GRID1: variants seen among roughly 807,000 people sequenced by gnomAD.
GRID1 encodes the protein glutamate ionotropic receptor delta type subunit 1.
In GRID1, 28 loss-of-function variants were observed where a neutral mutation model predicts 98.0. That is an observed-to-expected ratio of 0.29 (90% CI 0.21 to 0.39). The LOEUF is 0.39. Ranked by LOEUF, GRID1 falls within the 10% of genes least tolerant of loss-of-function variation. The pLI is 1.00. For synonymous variants in GRID1, 553 were observed against 538.5 expected (o/e 1.03, Z -0.37); for missense variants, 1,111 against 1,340.5 (o/e 0.83, Z 2.67).
chr10:86,245,814 G>A (rs1372271062), intron 2 of GRID1, among the ~76,000 whole-genome samples: 3 of 152,240 alleles, frequency 2.0e-5, no homozygotes, highest in Admixed American at 6.5e-5. Context: ...CCGGCCTTGG[G>A]CACTCACAAA....
At chr10:85,848,129 C>T (rs1176812711) in intron 8 of GRID1, among the ~76,000 whole-genome samples, 1 of 152,012 alleles carries the variant, frequency 6.6e-6, no homozygotes, top group Admixed American at 6.6e-5. Context: ...TAATATATAT[C>T]AACCATATTT....
intron 8 of GRID1, among the ~76,000 whole-genome samples, chr10:85,780,619 G>A (rs1176774030): frequency 1.3e-5 from 2 of 152,130 alleles, no homozygotes; most frequent in Non-Finnish European, 2.9e-5. Context: ...GCACACCATG[G>A]GCCTCATACA....
intron 8 of GRID1, among the ~76,000 whole-genome samples, chr10:85,742,482 A>G (rs993416643): frequency 5.3e-5 from 8 of 152,196 alleles, no homozygotes; most frequent in Admixed American, 1.3e-4. Context: ...TCAATTACAT[A>G]TTTAAAAGCA....
intron 4 of GRID1, among the ~76,000 whole-genome samples, chr10:86,088,069 A>G (rs188962476): frequency 1.3e-4 from 20 of 152,350 alleles, no homozygotes; most frequent in Middle Eastern, 3.4e-3. Flanking sequence ...CTTTGTATCC[A>G]TTAAAGGCAC....
chr10:86,113,705 A>G (rs886434880), intron 4 of GRID1, among the ~76,000 whole-genome samples: 1 of 152,228 alleles, frequency 6.6e-6, no homozygotes, highest in African/African-American at 2.4e-5. Context: ...GGAGGTGCTC[A>G]GTAACTACTG....
chr10:85,882,892 T>C (rs1841055637), intron 5 of GRID1, among the ~76,000 whole-genome samples: 1 of 152,168 alleles, frequency 6.6e-6, no homozygotes, highest in Non-Finnish European at 1.5e-5. Context: ...AGTAGCATGT[T>C]ATGCTATACC....
intron 3 of GRID1, among the ~76,000 whole-genome samples, chr10:86,167,078 C>T (rs997192248): frequency 1.3e-5 from 2 of 152,242 alleles, no homozygotes; most frequent in African/African-American, 4.8e-5. Context: ...AAGGCCTCTC[C>T]CTCCCTGCAG....
chr10:86,054,867 T>C (rs1210914108), intron 4 of GRID1, among the ~76,000 whole-genome samples: 5 of 152,198 alleles, frequency 3.3e-5, no homozygotes, highest in African/African-American at 1.2e-4. Flanking sequence ...ATTTCATCCC[T>C]TGACTTTGGG....
intron 4 of GRID1, among the ~76,000 whole-genome samples, chr10:86,008,438 T>A (rs1395358054): frequency 3.9e-5 from 6 of 152,152 alleles, no homozygotes; most frequent in Non-Finnish European, 8.8e-5. Flanking sequence ...TAACTTGTGT[T>A]TATCAATGAA....
chr10:85,806,751 A>G (rs1842626349), intron 8 of GRID1, among the ~76,000 whole-genome samples: 1 of 152,204 alleles, frequency 6.6e-6, no homozygotes, highest in African/African-American at 2.4e-5. Context: ...ATTTATAGTG[A>G]CAGAAATCAA....
intron 8 of GRID1, among the ~76,000 whole-genome samples, chr10:85,769,333 C>A (rs568308933): frequency 6.6e-6 from 1 of 152,112 alleles, no homozygotes; most frequent in African/African-American, 2.4e-5. Flanking sequence ...ATAAAGATGG[C>A]AGGAGCTGGA....
intron 12 of GRID1, among the ~76,000 whole-genome samples, chr10:85,667,609 G>A (rs1233184265): frequency 6.6e-6 from 1 of 152,188 alleles, no homozygotes; most frequent in Admixed American, 6.5e-5. Context: ...AGCACAGGCT[G>A]TCTGGCTCCT....
chr10:85,800,570 A>G (rs1233881931), intron 8 of GRID1, among the ~76,000 whole-genome samples: 1 of 152,104 alleles, frequency 6.6e-6, no homozygotes, highest in Non-Finnish European at 1.5e-5. Flanking sequence ...ATATAGCAAA[A>G]GTGGTAATTC....
At chr10:85,972,256 C>T (rs768116475) in intron 4 of GRID1, among the ~76,000 whole-genome samples, 1 of 151,430 alleles carries the variant, frequency 6.6e-6, no homozygotes, top group African/African-American at 2.4e-5. Flanking sequence ...ACAGCTAGGA[C>T]TCATTGTTCT....
At chr10:85,946,686 A>C (rs1842057484) in intron 4 of GRID1, among the ~76,000 whole-genome samples, 1 of 152,014 alleles carries the variant, frequency 6.6e-6, no homozygotes, top group Non-Finnish European at 1.5e-5. Context: ...TTGCGGGGGG[A>C]AGAATCCCCA....
intron 12 of GRID1, among the ~76,000 whole-genome samples, chr10:85,676,220 T>A (rs188958002): frequency 6.6e-6 from 1 of 152,262 alleles, no homozygotes; most frequent in East Asian, 1.9e-4. Flanking sequence ...CAGCAGCTAA[T>A]GGGGCAAGGA....
At chr10:85,622,676 T>A (rs1456555792) in intron 13 of GRID1, among the ~76,000 whole-genome samples, 1 of 152,206 alleles carries the variant, frequency 6.6e-6, no homozygotes, top group Non-Finnish European at 1.5e-5. Context: ...GGCTCTAGGA[T>A]GAGCTTTCTC....
chr10:85,652,285 A>G (rs1022010827), intron 12 of GRID1, among the ~76,000 whole-genome samples: 1 of 152,268 alleles, frequency 6.6e-6, no homozygotes, highest in African/African-American at 2.4e-5. Context: ...TTGCAGTATG[A>G]GAAAAATCAA....
At position 86,150,224 on chromosome 10, in the gene GRID1, C is replaced by A. The variant is rs535112715; in HGVS notation, c.521-11200G>T. On this transcript the variant is annotated intron_variant, in intron 3 of 15. Coordinates refer to ENST00000327946, the MANE Select transcript of GRID1 (RefSeq NM_017551.3). ...AGGAGCAAGACCCCAGCTGAAGTCGCCCAGTGAGAGGCTCGCCTCCAGCCC... is the reference window on the plus strand; with the variant it reads ...AGGAGCAAGACCCCAGCTGAAGTCGACCAGTGAGAGGCTCGCCTCCAGCCC... Among the ~76,000 whole-genome samples the A allele has an allele frequency of 3.9e-5, 6 of 152,342 alleles. No homozygotes were observed. In the South Asian group the frequency reaches 1.2e-3, roughly 32 times the overall value.
Sources: allele counts gnomAD v4.1 joint callset (sites outside exome capture counted in the v4.1 genomes callset), GRCh38; gene constraint gnomAD v4.1.1; transcripts MANE v1.5; gene names NCBI Gene and HGNC (gene_info 2026-07-23, HGNC 2026-07-21).